Variants in PWWP3B observed in about 807,000 individuals in gnomAD.
The protein encoded by PWWP3B is PWWP domain containing 3B, also known as PWWP domain-containing DNA repair factor 3B.
PWWP3B carries 5 observed loss-of-function variants against 15.7 expected under a neutral mutation model. That is an observed-to-expected ratio of 0.32 (90% CI 0.17 to 0.67). PWWP3B has a LOEUF of 0.67. PWWP3B is among the 30% of genes least tolerant of loss of function. The pLI, the probability that PWWP3B is intolerant of heterozygous loss-of-function variation, is 0.74. For synonymous variants in PWWP3B, 203 were observed against 179.8 expected (o/e 1.13, Z -1.03); for missense variants, 519 against 493.1 (o/e 1.05, Z -0.50).
At chrX:106,193,836 ATTCTT>A (rs1016274686) in intron 2 of PWWP3B, among the ~76,000 whole-genome samples, 3 of 111,978 alleles carry the variant, frequency 2.7e-5, no homozygotes, top group African/African-American at 9.7e-5. Context: ...TGGGTTGAAA[ATTCTT>A]TTCTTTAAGA....
At chrX:106,194,446 T>A (rs1467412650) in intron 2 of PWWP3B, among the ~76,000 whole-genome samples, 7 of 111,357 alleles carry the variant, frequency 6.3e-5, no homozygotes, top group African/African-American at 2.3e-4. Context: ...ATTCGTCTAA[T>A]TTTTTTTCAA....
intron 2 of PWWP3B, among the ~76,000 whole-genome samples, chrX:106,183,260 C>T (rs1274664168): frequency 9.0e-6 from 1 of 111,678 alleles, no homozygotes; most frequent in South Asian, 3.8e-4. Context: ...TTTTTGTACT[C>T]CTAGAATTGG....
At chrX:106,187,596 C>T (rs1922595863) in intron 2 of PWWP3B, among the ~76,000 whole-genome samples, 2 of 111,975 alleles carry the variant, frequency 1.8e-5, no homozygotes, top group Admixed American at 9.5e-5. Flanking sequence ...TTGGGTTGAT[C>T]ATTATTACTA....
intron 2 of PWWP3B, among the ~76,000 whole-genome samples, chrX:106,189,879 A>T (rs1457518527): frequency 8.9e-6 from 1 of 111,958 alleles, no homozygotes. Context: ...GGCCTCCCAA[A>T]GTGCTGGGAT....
At chrX:106,200,137 C>T (rs768070773) in intron 2 of PWWP3B, among the ~76,000 whole-genome samples, 4 of 111,388 alleles carry the variant, frequency 3.6e-5, no homozygotes, top group Non-Finnish European at 7.5e-5. Context: ...ATATGGCTCT[C>T]CATCCTCCCT....
rs1382123616 is a variant in PWWP3B at position 106,171,030 on chromosome X, G to C, written c.-510G>C. The C allele has an allele frequency of 1.8e-5, 2 of 111,020 alleles. No individual in the cohort carries two copies. The highest frequency in any genetic ancestry group is 9.6e-5 in the Admixed American group (1 of 10,379). The allele number at this position is 111,020 out of a possible 1,213,427, so 9.1% of individuals were successfully genotyped here. A position where few individuals can be genotyped will look rare whatever the true frequency, so the allele number is the denominator to read the frequency against. On this transcript the variant is annotated 5_prime_UTR_variant, in exon 2 of 4. Transcript: ENST00000357175. ...CTGCCAGCCGAGCCCCAGAAAGACA[G>C]GTCAACCACAGAAGTGCTGAGCCAG...
chrX:106,201,910 A>G (rs1923727189), intron 2 of PWWP3B: 1 of 112,033 alleles, frequency 8.9e-6, no homozygotes, highest in African/African-American at 3.2e-5. Flanking sequence ...GAAGGAGTTA[A>G]TCCTCTGGAA....
intron 2 of PWWP3B, among the ~76,000 whole-genome samples, chrX:106,187,627 C>A (rs1309632808): frequency 8.9e-6 from 1 of 112,067 alleles, no homozygotes; most frequent in Non-Finnish European, 1.9e-5. Flanking sequence ...GATGTTCTTC[C>A]TCTTCAGGTG....
chrX:106,186,939 G>T (rs967899554), intron 2 of PWWP3B, among the ~76,000 whole-genome samples: 2 of 111,929 alleles, frequency 1.8e-5, no homozygotes, highest in African/African-American at 3.3e-5. Context: ...GCTGATTGGT[G>T]CATTTACAAT....
At chrX:106,189,612 CT>C (rs1277003635) in intron 2 of PWWP3B, among the ~76,000 whole-genome samples, 1,501 of 77,774 alleles carry the variant, frequency 0.019, 16 homozygotes, top group African/African-American at 0.042. Context: ...GCCACATTTT[CT>C]TTTTTTTTTT....
chrX:106,193,282 A>G (rs774358708), intron 2 of PWWP3B, among the ~76,000 whole-genome samples: 1 of 110,924 alleles, frequency 9.0e-6, no homozygotes, highest in South Asian at 3.9e-4. Flanking sequence ...TGATCCCTTT[A>G]CCATTATGTA....
rs1475185390 is a variant in PWWP3B at position 106,205,251 on chromosome X, G to A, written c.-182G>A. On this transcript the variant is annotated 5_prime_UTR_variant, in exon 4 of 4. Coordinates refer to ENST00000357175, the MANE Select transcript of PWWP3B (RefSeq NM_001171020.2). ...CGGTATCATCCTATTCAAACAACGT[G>A]TTCAAGCATCCTTGGAAAATTGAGG... is the stretch of plus-strand genomic sequence containing the variant. 3 of 381,560 alleles carry A rather than the reference G, an allele frequency of 7.9e-6. No individual in the cohort carries two copies. Among genetic ancestry groups the A allele is most frequent in the African/African-American group, 5.1e-5 (2 of 39,130 alleles). 31.4% of individuals were successfully genotyped at this position (381,560 alleles called of 1,213,427 possible).
chrX:106,196,629 C>G (rs1321841856), intron 2 of PWWP3B, among the ~76,000 whole-genome samples: 1 of 111,532 alleles, frequency 9.0e-6, no homozygotes, highest in Non-Finnish European at 1.9e-5. Context: ...TCCATACATT[C>G]CCAGGATAAA....
chrX:106,173,173 G>A (rs370397107), intron 2 of PWWP3B, among the ~76,000 whole-genome samples: 5 of 111,524 alleles, frequency 4.5e-5, no homozygotes, highest in African/African-American at 1.6e-4. Flanking sequence ...TCCTTTGGTT[G>A]CCTTGGATAG....
Position 106,207,031 on chromosome X carries a change from G to T in PWWP3B, c.1599G>T (p.Lys533Asn). 8.3e-7 allele frequency: 1 copy of T among 1,209,028 alleles called. No individual in the cohort carries two copies. Among genetic ancestry groups the T allele is most frequent in the Admixed American group, 2.2e-5 (1 of 45,637 alleles). The change falls in exon 4 of 4, where the codon AAG becomes AAT. Residue 533 changes from lysine to asparagine, a missense_variant. Coordinates refer to ENST00000357175, the MANE Select transcript of PWWP3B (RefSeq NM_001171020.2). ...CGATGGCTGTAACTTCCCAGACCAAGAAAATGTCCTTCCAAAAAATTCTCC... is the reference window on the plus strand; with the variant it reads ...CGATGGCTGTAACTTCCCAGACCAATAAAATGTCCTTCCAAAAAATTCTCC... ...REPMAVTSQT[K>N]KMSFQKILPD...
intron 2 of PWWP3B, among the ~76,000 whole-genome samples, chrX:106,198,484 C>T (rs1317662212): frequency 9.0e-6 from 1 of 110,960 alleles, no homozygotes; most frequent in African/African-American, 3.3e-5. Context: ...TGGTTATGGC[C>T]CTCTCTTCCA....
chrX:106,192,921 T>A (rs1458278831), intron 2 of PWWP3B, among the ~76,000 whole-genome samples: 1 of 111,677 alleles, frequency 9.0e-6, no homozygotes, highest in East Asian at 2.8e-4. Context: ...TTGTTATAAT[T>A]TCTGTTCTTT....
At position 106,206,364 on chromosome X, in the gene PWWP3B, G is replaced by A. The variant is rs772393233; in HGVS notation, c.932G>A (p.Gly311Glu). 4.7e-5 allele frequency: 57 copies of A among 1,203,217 alleles called. No individual in the cohort carries two copies. Among genetic ancestry groups the A allele is most frequent in the Non-Finnish European group, 6.4e-5 (57 of 891,468 alleles). The change falls in exon 4 of 4, where the codon GGG becomes GAG. Residue 311 changes from glycine (G) to glutamate (E), a missense_variant. By Grantham distance (98) the Gly-to-Glu change is moderately conservative. Coordinates refer to ENST00000357175, the MANE Select transcript of PWWP3B (RefSeq NM_001171020.2). Reference sequence around the variant, plus strand: ...GAGATGGGGGCTGCAGCATGCCCTGGGAGTTGTTCAAGGGAATGCGAGGTT... The same window carrying A: ...GAGATGGGGGCTGCAGCATGCCCTGAGAGTTGTTCAAGGGAATGCGAGGTT... ...ESEMGAAACP[G>E]SCSRECEVSF...
At position 106,206,215 on chromosome X, in the gene PWWP3B, C is replaced by G; in HGVS notation, c.783C>G (p.Thr261=). The G allele has an allele frequency of 1.7e-6, 2 of 1,205,566 alleles. No individual in the cohort carries two copies. Among genetic ancestry groups the G allele is most frequent in the Non-Finnish European group, 2.2e-6 (2 of 892,321 alleles). ...CTTTGAAAGAAGAGAGCGAGGATAC[C>G]TGCCTAGAGACCCTGGCTGTTCCCT... is the stretch of plus-strand genomic sequence containing the variant. ...PKALKEESED[T]CLETLAVPSE... The change falls in exon 4 of 4, where the codon ACC becomes ACG. Residue 261 remains threonine, a synonymous_variant. Transcript: ENST00000357175.
Sources: allele counts gnomAD v4.1 joint callset (sites outside exome capture counted in the v4.1 genomes callset), GRCh38; gene constraint gnomAD v4.1.1; transcripts MANE v1.5; gene names NCBI Gene and HGNC (gene_info 2026-07-23, HGNC 2026-07-21).